Variants in PHLPP1 observed in about 807,000 individuals in gnomAD.
The protein encoded by PHLPP1 is PH domain and leucine rich repeat protein phosphatase 1.
A neutral mutation model predicts 117.2 loss-of-function variants in PHLPP1; 42 were observed. The ratio of observed to expected loss-of-function variants is 0.36; its 90% confidence interval spans 0.28 to 0.46. The LOEUF is 0.46. Among genes scored for constraint, PHLPP1 ranks in the 20% least tolerant of loss-of-function variants. The pLI, the probability that PHLPP1 is intolerant of heterozygous loss-of-function variation, is 1.00. For synonymous variants in PHLPP1, 1,042 were observed against 970.7 expected (o/e 1.07, Z -1.37); for missense variants, 2,084 against 2,241.9 (o/e 0.93, Z 1.42).
chr18:62,891,774 T>C (rs1453896477), intron 4 of PHLPP1, among the ~76,000 whole-genome samples: 1 of 148,226 alleles, frequency 6.7e-6, no homozygotes, highest in East Asian at 2.0e-4. Context: ...GTGCCTGTAG[T>C]CCCAGCTACT....
chr18:62,845,401 A>G (rs1915155606), intron 3 of PHLPP1, among the ~76,000 whole-genome samples: 1 of 152,296 alleles, frequency 6.6e-6, no homozygotes, highest in East Asian at 1.9e-4. Flanking sequence ...GCCACATTTC[A>G]TGCTAAACGA....
At chr18:62,782,958 T>G (rs1913160243) in intron 1 of PHLPP1, among the ~76,000 whole-genome samples, 1 of 151,748 alleles carries the variant, frequency 6.6e-6, no homozygotes, top group African/African-American at 2.4e-5. Flanking sequence ...TTTTATAATG[T>G]TTTAAACACT....
intron 10 of PHLPP1, among the ~76,000 whole-genome samples, chr18:62,929,502 A>G (rs1264606430): frequency 6.6e-6 from 1 of 152,340 alleles, no homozygotes; most frequent in African/African-American, 2.4e-5. Flanking sequence ...GTGATGTACC[A>G]GAGGATGAAC....
intron 1 of PHLPP1, among the ~76,000 whole-genome samples, chr18:62,787,196 T>A (rs1334712474): frequency 1.6e-4 from 24 of 152,104 alleles, no homozygotes; most frequent in Non-Finnish European, 2.2e-4. Context: ...TGCTCTCAAT[T>A]TTTGAAATAT....
intron 1 of PHLPP1, among the ~76,000 whole-genome samples, chr18:62,799,176 G>A (rs1249005920): frequency 1.3e-5 from 2 of 152,216 alleles, no homozygotes; most frequent in African/African-American, 4.8e-5. Flanking sequence ...AAAAGAACCA[G>A]AGGAGTGGTA....
chr18:62,740,541 A>G (rs1271489739), intron 1 of PHLPP1, among the ~76,000 whole-genome samples: 1 of 152,288 alleles, frequency 6.6e-6, no homozygotes, highest in Non-Finnish European at 1.5e-5. Context: ...TTAAGAAACC[A>G]TGCTAAACCT....
At chr18:62,904,904 G>A (rs1318840050) in intron 7 of PHLPP1, among the ~76,000 whole-genome samples, 2 of 152,164 alleles carry the variant, frequency 1.3e-5, no homozygotes, top group African/African-American at 4.8e-5. Context: ...AAGGACCCTT[G>A]GGTTTTAAAA....
chr18:62,842,325 T>C (rs189309367), intron 3 of PHLPP1, among the ~76,000 whole-genome samples: 2 of 152,008 alleles, frequency 1.3e-5, no homozygotes, highest in Admixed American at 1.3e-4. Context: ...TCCTGAGAAG[T>C]TGGGGTGGGG....
intron 1 of PHLPP1, among the ~76,000 whole-genome samples, chr18:62,771,179 C>T (rs1439068739): frequency 2.7e-5 from 4 of 150,342 alleles, no homozygotes; most frequent in Non-Finnish European, 5.9e-5. Flanking sequence ...GCGCCATTGC[C>T]CTCCAGCCTG....
At chr18:62,839,324 A>C (rs1445203000) in intron 3 of PHLPP1, 1 of 157,756 alleles carries the variant, frequency 6.3e-6, no homozygotes, top group Admixed American at 6.2e-5. Context: ...TCTCCCCTTC[A>C]CCTTTATTCT....
At chr18:62,829,238 A>G (rs1168340181) in intron 1 of PHLPP1, among the ~76,000 whole-genome samples, 1 of 152,330 alleles carries the variant, frequency 6.6e-6, no homozygotes, top group East Asian at 1.9e-4. Context: ...TTCTTTTCTA[A>G]TGTTTCCTTT....
intron 13 of PHLPP1, among the ~76,000 whole-genome samples, chr18:62,959,049 A>T (rs1482535903): frequency 6.6e-6 from 1 of 152,212 alleles, no homozygotes; most frequent in Admixed American, 6.5e-5. Context: ...AATCCAGGTT[A>T]TTTAAATAAA....
At chr18:62,833,731 C>T (rs1406883353) in intron 2 of PHLPP1, among the ~76,000 whole-genome samples, 1 of 152,134 alleles carries the variant, frequency 6.6e-6, no homozygotes, top group East Asian at 1.9e-4. Flanking sequence ...TTTCATTTCT[C>T]TATAATGTCT....
intron 1 of PHLPP1, among the ~76,000 whole-genome samples, chr18:62,827,742 A>G (rs995796844): frequency 6.6e-6 from 1 of 152,200 alleles, no homozygotes; most frequent in Non-Finnish European, 1.5e-5. Flanking sequence ...CTGACTAGGG[A>G]ATAAAGAGCC....
At chr18:62,782,578 A>T (rs1052793564) in intron 1 of PHLPP1, among the ~76,000 whole-genome samples, 2 of 152,216 alleles carry the variant, frequency 1.3e-5, no homozygotes, top group African/African-American at 4.8e-5. Flanking sequence ...AGCTATATGC[A>T]CTCCATCTTT....
intron 12 of PHLPP1, among the ~76,000 whole-genome samples, chr18:62,951,877 C>A (rs562515073): frequency 3.4e-5 from 5 of 146,966 alleles, no homozygotes; most frequent in African/African-American, 1.3e-4. Context: ...TGCAATGGCG[C>A]GATCTTGGCT....
At chr18:62,738,641 T>C (rs1911436438) in intron 1 of PHLPP1, among the ~76,000 whole-genome samples, 1 of 152,226 alleles carries the variant, frequency 6.6e-6, no homozygotes, top group African/African-American at 2.4e-5. Flanking sequence ...TTTTTTCCTA[T>C]ACATATATTC....
intron 1 of PHLPP1, among the ~76,000 whole-genome samples, chr18:62,826,565 T>G (rs184143054): frequency 6.6e-6 from 1 of 152,350 alleles, no homozygotes; most frequent in East Asian, 1.9e-4. Flanking sequence ...GAGAACATTT[T>G]CTTGATACCT....
intron 1 of PHLPP1, among the ~76,000 whole-genome samples, chr18:62,772,216 G>A (rs963880625): frequency 5.9e-5 from 9 of 152,148 alleles, no homozygotes; most frequent in Admixed American, 4.6e-4. Flanking sequence ...AAACTCTTCT[G>A]GAAGGTTATG....
Sources: gnomAD v4.1 joint callset for allele counts (sites outside exome capture counted in the v4.1 genomes callset) on GRCh38, gnomAD v4.1.1 for gene constraint, MANE v1.5 for transcripts, NCBI Gene and HGNC (gene_info 2026-07-23, HGNC 2026-07-21) for gene names.